Variants in SOS2 observed in about 807,000 individuals in gnomAD.
SOS2 encodes the protein son of sevenless homolog 2.
A neutral mutation model predicts 148.2 loss-of-function variants in SOS2; 65 were observed. The observed-to-expected ratio is 0.44, with a 90% CI of 0.36 to 0.54. SOS2 has a LOEUF of 0.54. Among genes scored for constraint, SOS2 ranks in the 20% least tolerant of loss-of-function variants. The probability of loss-of-function intolerance (pLI) is 0.00; values close to 1 mark genes in which losing one functional copy is unlikely to be tolerated. For synonymous variants in SOS2, 539 were observed against 537.1 expected (o/e 1.00, Z -0.05); for missense variants, 1,341 against 1,590.2 (o/e 0.84, Z 2.67).
intron 2 of SOS2, 89 bp downstream of exon 2, chr14:50,204,195 G>A (rs1459546459): frequency 2.6e-6 from 2 of 758,104 alleles, no homozygotes; most frequent in Non-Finnish European, 4.0e-6. Flanking sequence ...AGTGGTTTTA[G>A]TTTTCACAAT....
At chr14:50,224,768 C>G (rs1390977423) in intron 1 of SOS2, among the ~76,000 whole-genome samples, 5 of 151,526 alleles carry the variant, frequency 3.3e-5, no homozygotes, top group Non-Finnish European at 5.9e-5. Context: ...TGCCTGTAGT[C>G]CCAGCTACTC....
chr14:50,164,710 C>T (rs1008729853), intron 8 of SOS2, among the ~76,000 whole-genome samples: 7 of 152,016 alleles, frequency 4.6e-5, no homozygotes, highest in African/African-American at 1.7e-4. Context: ...CTTTCATGCC[C>T]CCATTCGCTT....
intron 1 of SOS2, among the ~76,000 whole-genome samples, chr14:50,226,841 C>A (rs1440989731): frequency 6.6e-6 from 1 of 152,172 alleles, no homozygotes; most frequent in South Asian, 2.1e-4. Context: ...ATGAAGAATG[C>A]TGATTTATCT....
In SOS2 at chr14:50,133,980, C is replaced by G. The variant is rs182891617; in HGVS notation, c.3075+143G>C. 4.7e-6 allele frequency: 3 copies of G among 636,884 alleles called. No individual in the cohort carries two copies. In the African/African-American group the frequency reaches 5.6e-5, roughly 12 times the overall value. The allele number at this position is 636,884 out of a possible 1,614,324, so 39.5% of individuals were successfully genotyped here. On this transcript the variant is annotated intron_variant, in intron 19 of 22. Coordinates refer to ENST00000216373, the MANE Select transcript of SOS2 (RefSeq NM_006939.4). Reference sequence around the variant, plus strand: ...ATCAAAAGGCTGACATTTCCCCCCCCAGTTTTAGAAATAGTATATTACTGC... The same window carrying G: ...ATCAAAAGGCTGACATTTCCCCCCCGAGTTTTAGAAATAGTATATTACTGC...
chr14:50,151,813 C>G (rs1884671538), intron 13 of SOS2, among the ~76,000 whole-genome samples: 1 of 152,096 alleles, frequency 6.6e-6, no homozygotes, highest in South Asian at 2.1e-4. Flanking sequence ...GCCTCGAGCT[C>G]TGGGCTTAAA....
chr14:50,213,892 A>T (rs1009926513), intron 1 of SOS2, among the ~76,000 whole-genome samples: 10 of 147,158 alleles, frequency 6.8e-5, no homozygotes, highest in African/African-American at 2.2e-4. Flanking sequence ...CCTGCCAAGA[A>T]AAAAAAAAAA....
intron 21 of SOS2, among the ~76,000 whole-genome samples, chr14:50,124,550 A>G (rs1883626452): frequency 6.6e-6 from 1 of 152,222 alleles, no homozygotes; most frequent in Non-Finnish European, 1.5e-5. Flanking sequence ...TGTTGTATTC[A>G]GATTCCAAAA....
intron 4 of SOS2, among the ~76,000 whole-genome samples, chr14:50,189,914 T>C (rs973419586): frequency 2.0e-5 from 3 of 151,616 alleles, no homozygotes; most frequent in Non-Finnish European, 2.9e-5. Context: ...AGTGGCATGA[T>C]CTCAGCTCAC....
At chr14:50,195,003 T>A (rs1344641745) in intron 4 of SOS2, among the ~76,000 whole-genome samples, 8 of 151,934 alleles carry the variant, frequency 5.3e-5, no homozygotes, top group South Asian at 2.1e-4. Context: ...AATGACAGAA[T>A]TCAATTTTTA....
At position 50,127,315 on chromosome 14, in the gene SOS2, T is replaced by C. The variant is rs949223269; in HGVS notation, c.3379+2646A>G. Among the ~76,000 whole-genome samples, 9 of 152,240 alleles carry C rather than the reference T, an allele frequency of 5.9e-5. 1 individual carries two copies. The highest frequency in any genetic ancestry group is 3.4e-3 in the Middle Eastern group (1 of 294). On this transcript the variant is annotated intron_variant, in intron 21 of 22. Transcript: ENST00000216373. ...CGCCACTATGCCCAGCTAATTTTTG[T>C]ATTTTTAGTAGAGATGGGGTTTCAC...
chr14:50,209,274 C>CGTGTGTGTGTCTGTGTGTGT (rs1886780957), intron 1 of SOS2, among the ~76,000 whole-genome samples: 1 of 118,276 alleles, frequency 8.5e-6, no homozygotes, highest in Admixed American at 8.5e-5. Flanking sequence ...CCTTAAATGT[C>CGTGTGTGTGTCTGTGTGTGT]GTGTGTGTGT....
At chr14:50,135,384 T>C (rs1054898527) in intron 18 of SOS2, among the ~76,000 whole-genome samples, 1 of 151,246 alleles carries the variant, frequency 6.6e-6, no homozygotes, top group African/African-American at 2.4e-5. Flanking sequence ...ACGTAGAAAA[T>C]TCAGGTGATT....
At chr14:50,158,743 T>C in intron 10 of SOS2, 97 bp from the exon 11 acceptor site, 1 of 738,032 alleles carries the variant, frequency 1.4e-6, no homozygotes, top group South Asian at 1.8e-5. Context: ...CTTTTTCTTT[T>C]TACTTTGGCT....
chr14:50,180,548 A>AC, intron 7 of SOS2, 24 bp downstream of exon 7: 1 of 1,076,706 alleles, frequency 9.3e-7, no homozygotes, highest in Non-Finnish European at 1.3e-6. Context: ...AAAAAAAAAA[A>AC]AAAAACCTTC....
At chr14:50,179,846 A>C (rs949768187) in intron 7 of SOS2, among the ~76,000 whole-genome samples, 2 of 152,142 alleles carry the variant, frequency 1.3e-5, no homozygotes, top group African/African-American at 2.4e-5. Flanking sequence ...CCCTCAATAC[A>C]GTATTTATCT....
chr14:50,211,883 C>A (rs1566482326), intron 1 of SOS2, among the ~76,000 whole-genome samples: 1 of 152,046 alleles, frequency 6.6e-6, no homozygotes, highest in Non-Finnish European at 1.5e-5. Context: ...ATTAATAATA[C>A]CTTCCAAAAC....
At chr14:50,223,756 A>G (rs1223194199) in intron 1 of SOS2, among the ~76,000 whole-genome samples, 3 of 152,022 alleles carry the variant, frequency 2.0e-5, no homozygotes, top group African/African-American at 4.8e-5. Context: ...CAGGGGGGTG[A>G]GGTGGGAGGA....
At chr14:50,166,102 C>CA (rs1484626568) in intron 8 of SOS2, among the ~76,000 whole-genome samples, 1 of 152,000 alleles carries the variant, frequency 6.6e-6, no homozygotes, top group Admixed American at 6.6e-5. Context: ...AACTGGATAA[C>CA]TACTGAGTTT....
At chr14:50,153,278 AAT>A (rs1018890600) in intron 12 of SOS2, 105 bp from the exon 13 acceptor site, 3 of 641,682 alleles carry the variant, frequency 4.7e-6, no homozygotes, top group Admixed American at 5.0e-5. Flanking sequence ...GGGTCAACAT[AAT>A]ACTCAAAGAC....
Sources: gnomAD v4.1 joint callset for allele counts (sites outside exome capture counted in the v4.1 genomes callset) on GRCh38, gnomAD v4.1.1 for gene constraint, MANE v1.5 for transcripts, NCBI Gene and HGNC (gene_info 2026-07-23, HGNC 2026-07-21) for gene names.